Variants in STK32B observed in about 807,000 individuals in gnomAD.
STK32B encodes serine/threonine-protein kinase 32B.
Under a neutral mutation model 52.6 loss-of-function variants are expected in STK32B, and 43 were observed. The observed-to-expected ratio is 0.82, with a 90% CI of 0.64 to 1.05. The LOEUF is 1.05. Among genes scored for constraint, STK32B ranks in the 50% least tolerant of loss-of-function variants. The pLI is 0.00. For missense variants in STK32B, 621 were observed against 534.6 expected (o/e 1.16, Z -1.59); for synonymous variants, 238 against 204.3 (o/e 1.17, Z -1.41).
At chr4:5,262,624 CAAA>C (rs746798812) in intron 3 of STK32B, among the ~76,000 whole-genome samples, 5 of 79,382 alleles carry the variant, frequency 6.3e-5, no homozygotes, top group Admixed American at 1.4e-4. Flanking sequence ...GACTCCATCT[CAAA>C]AAAAAAAAAA....
chr4:5,436,485 C>A, intron 6 of STK32B: 1 of 527,876 alleles, frequency 1.9e-6, no homozygotes, highest in Non-Finnish European at 2.4e-6. Flanking sequence ...GCAGGGAATA[C>A]CATCATCTGT....
chr4:5,380,211 G>T lies in STK32B; in HGVS notation c.435-17996G>T, dbSNP rs1735851926. Among the ~76,000 whole-genome samples, 1 of 152,014 alleles carries T rather than the reference G, an allele frequency of 6.6e-6. No individual in the cohort carries two copies. The highest frequency in any genetic ancestry group is 2.4e-5 in the African/African-American group (1 of 41,378). ...TATTTCATTATCTCTTCACTTAGCA[G>T]ATAAAAAAGAAAATGGAACTGAACA... On this transcript the variant is annotated intron_variant, in intron 4 of 11. Coordinates refer to ENST00000282908, the MANE Select transcript of STK32B (RefSeq NM_018401.3). The surrounding 1 kb of genome is among the most constrained non-coding windows in gnomAD (Gnocchi z 4.3).
intron 1 of STK32B, among the ~76,000 whole-genome samples, chr4:5,062,744 G>A (rs1223352217): frequency 6.6e-6 from 1 of 152,040 alleles, no homozygotes; most frequent in Non-Finnish European, 1.5e-5. Flanking sequence ...TCCTGACCTC[G>A]TGATCCGCCC....
At chr4:5,356,509 C>T (rs930394791) in intron 4 of STK32B, among the ~76,000 whole-genome samples, 9 of 152,124 alleles carry the variant, frequency 5.9e-5, no homozygotes, top group East Asian at 5.8e-4. Context: ...CGAAGATTCC[C>T]GAGTGCCCCA....
At chr4:5,429,946 G>A (rs1332522283) in intron 6 of STK32B, among the ~76,000 whole-genome samples, 1 of 146,360 alleles carries the variant, frequency 6.8e-6, no homozygotes, top group Non-Finnish European at 1.5e-5. Context: ...CAAATCTGCT[G>A]TAATTCCTAT....
At chr4:5,114,201 CTT>C (rs1714584230) in intron 1 of STK32B, among the ~76,000 whole-genome samples, 1 of 151,830 alleles carries the variant, frequency 6.6e-6, no homozygotes, top group Admixed American at 6.6e-5. Flanking sequence ...ATCTCAGTGT[CTT>C]TGAACTTGCT....
intron 3 of STK32B, among the ~76,000 whole-genome samples, chr4:5,289,588 G>A (rs1728757555): frequency 6.6e-6 from 1 of 151,454 alleles, no homozygotes; most frequent in Non-Finnish European, 1.5e-5. Flanking sequence ...CCAACAAAAT[G>A]GCTCACTGCA....
chr4:5,219,056 G>A (rs1723359503), intron 3 of STK32B, among the ~76,000 whole-genome samples: 1 of 152,346 alleles, frequency 6.6e-6, no homozygotes, highest in Non-Finnish European at 1.5e-5. Context: ...GTCCATTGAT[G>A]GTGGACCTCA....
Position 5,319,213 on chromosome 4 carries a change from A to G in STK32B, c.261-12007A>G, listed in dbSNP as rs574269548. ...GAAACACCAGGACGTAAACACCACA[A>G]TAATTCCTGTATGACTAATGAGGAT... On this transcript the variant is annotated intron_variant, in intron 3 of 11. Coordinates refer to ENST00000282908, the MANE Select transcript of STK32B (RefSeq NM_018401.3). Among the ~76,000 whole-genome samples the G allele has an allele frequency of 9.2e-5, 14 of 152,314 alleles. No homozygotes were observed. In the East Asian group the frequency reaches 9.7e-4, roughly 11 times the overall value.
At chr4:5,125,840 A>G (rs1247001274) in intron 1 of STK32B, among the ~76,000 whole-genome samples, 3 of 151,586 alleles carry the variant, frequency 2.0e-5, no homozygotes, top group Non-Finnish European at 4.4e-5. Flanking sequence ...CCTCCTGTGG[A>G]CCTCCCTCTC....
At chr4:5,493,877 A>G (rs1215624691) in intron 11 of STK32B, among the ~76,000 whole-genome samples, 1 of 152,234 alleles carries the variant, frequency 6.6e-6, no homozygotes, top group Non-Finnish European at 1.5e-5. Context: ...GTTTCCATGT[A>G]GTTGAGTGGT....
the STK32B span, among the ~76,000 whole-genome samples, chr4:5,044,568 A>G: frequency 6.6e-6 from 1 of 152,094 alleles, no homozygotes; most frequent in South Asian, 2.1e-4. Context: ...TCCTCCTTCA[A>G]CCAACCACCA....
intron 3 of STK32B, among the ~76,000 whole-genome samples, chr4:5,192,576 C>T (rs538896664): frequency 6.6e-6 from 1 of 152,214 alleles, no homozygotes; most frequent in Non-Finnish European, 1.5e-5. Flanking sequence ...CAATTTTTTT[C>T]CAGCTTTATT....
At chr4:5,346,818 A>G (rs574797276) in intron 4 of STK32B, among the ~76,000 whole-genome samples, 1 of 152,230 alleles carries the variant, frequency 6.6e-6, no homozygotes, top group African/African-American at 2.4e-5. Context: ...TGGGTAGTTT[A>G]GAAAGAAAGA....
At chr4:5,220,440 A>G (rs1443104697) in intron 3 of STK32B, among the ~76,000 whole-genome samples, 1 of 152,234 alleles carries the variant, frequency 6.6e-6, no homozygotes, top group Non-Finnish European at 1.5e-5. Context: ...AAGAGTTCAG[A>G]TAAGGCTTCT....
At chr4:5,330,926 C>T (rs73794568) in intron 3 of STK32B, among the ~76,000 whole-genome samples, 1 of 152,166 alleles carries the variant, frequency 6.6e-6, no homozygotes, top group South Asian at 2.1e-4. Flanking sequence ...AAGAAACATG[C>T]TGGAGTCCAG....
At chr4:5,019,594 G>C in the STK32B span, 1 of 813,604 alleles carries the variant, frequency 1.2e-6, no homozygotes, top group Admixed American at 4.3e-5. Context: ...CGCCCACCGG[G>C]CAGGGTCGGG....
chr4:5,439,356 A>C (rs2109105434), intron 6 of STK32B, among the ~76,000 whole-genome samples: 1 of 151,922 alleles, frequency 6.6e-6, no homozygotes, highest in East Asian at 1.9e-4. Context: ...ATGGCCAGTG[A>C]TGATGAGCAT....
At chr4:5,311,022 G>C (rs907785839) in intron 3 of STK32B, among the ~76,000 whole-genome samples, 4 of 152,244 alleles carry the variant, frequency 2.6e-5, no homozygotes, top group Middle Eastern at 3.4e-3. Context: ...TAAAACAGTG[G>C]TTACTAATGG....
Sources: allele counts gnomAD v4.1 joint callset (sites outside exome capture counted in the v4.1 genomes callset), GRCh38; gene constraint gnomAD v4.1.1; non-coding constraint Gnocchi (gnomAD v3.1); transcripts MANE v1.5; gene names NCBI Gene and HGNC (gene_info 2026-07-23, HGNC 2026-07-21).